NFRKB: variants seen among roughly 807,000 people sequenced by gnomAD.
NFRKB encodes the protein nuclear factor related to kappaB binding protein.
NFRKB carries 62 observed loss-of-function variants against 135.7 expected under a neutral mutation model. That is an observed-to-expected ratio of 0.46 (90% CI 0.37 to 0.56). The LOEUF is 0.56. Ranked by LOEUF, NFRKB falls within the 20% of genes least tolerant of loss-of-function variation. The pLI is 0.00. For missense variants in NFRKB, 1,545 were observed against 1,662.0 expected, an observed-to-expected ratio of 0.93 and a Z score of 1.22; for synonymous variants, 678 against 635.6, an observed-to-expected ratio of 1.07 and a Z score of -1.00.
Position 129,869,707 on chromosome 11 carries a change from G to A in NFRKB, c.3318C>T (p.Thr1106=), listed in dbSNP as rs371098164. The A allele has an allele frequency of 3.6e-5, 58 of 1,614,126 alleles. No individual in the cohort carries two copies. Among genetic ancestry groups the A allele is most frequent in the African/African-American group, 9.3e-5 (7 of 74,934 alleles). ...CCCCTTGCTTGGCGTGGGTTGCAACGGTGATGGTCTGGCCTGCTTTGGGAG... is the reference window on the plus strand; with the variant it reads ...CCCCTTGCTTGGCGTGGGTTGCAACAGTGATGGTCTGGCCTGCTTTGGGAG... ...VMPPKAGQTI[T]VATHAKQGAS... is the part of the protein sequence containing the mutation. The change falls in exon 24 of 27, where the codon ACC becomes ACT. Residue 1106 remains threonine, a synonymous_variant. Transcript: ENST00000682444.
intron 24 of NFRKB, among the ~76,000 whole-genome samples, chr11:129,867,322 CT>C (rs894926200): frequency 0.011 from 1,477 of 129,518 alleles, 10 homozygotes; most frequent in African/African-American, 0.034. Flanking sequence ...CTAAGTAACT[CT>C]TTTTTTTTTT....
intron 13 of NFRKB, among the ~76,000 whole-genome samples, chr11:129,880,273 C>G (rs539957681): frequency 6.6e-6 from 1 of 152,300 alleles, no homozygotes; most frequent in East Asian, 1.9e-4. Flanking sequence ...CAGCTGCTAC[C>G]TGCACAAACA....
intron 2 of NFRKB, chr11:129,893,986 T>C (rs1482770835): frequency 6.6e-6 from 1 of 152,246 alleles, no homozygotes; most frequent in Non-Finnish European, 1.5e-5. Flanking sequence ...ACCAGTAAAG[T>C]CAATGGCCAA....
intron 8 of NFRKB, among the ~76,000 whole-genome samples, chr11:129,883,496 T>C (rs1007094412): frequency 6.6e-6 from 1 of 152,208 alleles, no homozygotes; most frequent in African/African-American, 2.4e-5. Context: ...TTGTTAAGTA[T>C]TACTATGTTT....
chr11:129,884,211 A>G, intron 7 of NFRKB, 68 bp from the exon 8 acceptor site: 2 of 1,406,848 alleles, frequency 1.4e-6, no homozygotes, highest in Non-Finnish European at 1.0e-6. Flanking sequence ...GGTCACTTTC[A>G]AAAGTAAGAT....
In NFRKB at chr11:129,884,860, T is replaced by C. The variant is rs778423791; in HGVS notation, c.641-14A>G. On this transcript the variant is annotated splice_polypyrimidine_tract_variant and intron_variant, in intron 6 of 26. Coordinates refer to ENST00000682444, the MANE Select transcript of NFRKB (RefSeq NM_001143835.2). ...ATGAGCTGAGATCTTCAAAAGAAAATTGTTCTTGTAAATCCAACGTGGCTG... is the reference window on the plus strand; with the variant it reads ...ATGAGCTGAGATCTTCAAAAGAAAACTGTTCTTGTAAATCCAACGTGGCTG... 3.7e-6 allele frequency: 6 copies of C among 1,613,964 alleles called. No homozygotes were observed. Among genetic ancestry groups the C allele is most frequent in the African/African-American group, 1.3e-5 (1 of 74,920 alleles).
chr11:129,883,054 A>G lies in NFRKB; in HGVS notation c.901+68T>C. The G allele has an allele frequency of 2.8e-6, 4 of 1,426,268 alleles. No homozygotes were observed. The South Asian group carries it at 3.6e-5, about 13-fold the overall frequency. 88.4% of individuals were successfully genotyped at this position (1,426,268 alleles called of 1,614,324 possible). A position where few individuals can be genotyped will look rare whatever the true frequency, so the allele number is the denominator to read the frequency against. ...GGCCATGGTTTCATTTATTTTTGCCATGTTATGGGCTCACGCAACTTAACA... is the reference window on the plus strand; with the variant it reads ...GGCCATGGTTTCATTTATTTTTGCCGTGTTATGGGCTCACGCAACTTAACA... On this transcript the variant is annotated intron_variant, in intron 9 of 26. Transcript: ENST00000682444.
chr11:129,884,175 C>G, intron 7 of NFRKB, 32 bp from the exon 8 acceptor site: 1 of 1,594,572 alleles, frequency 6.3e-7, no homozygotes, highest in South Asian at 1.1e-5. Flanking sequence ...TATTCACTAT[C>G]ATGATTCTCC....
At position 129,873,706 on chromosome 11, in the gene NFRKB, G is replaced by C. The variant is rs369221331; in HGVS notation, c.2550+39C>G. On this transcript the variant is annotated intron_variant, in intron 22 of 26. Transcript: ENST00000682444. ...GACTCATCAGCCCACCTCTGGGTCTGCATCTCTGCTTCCCAATGACCACGG... is the reference window on the plus strand; with the variant it reads ...GACTCATCAGCCCACCTCTGGGTCTCCATCTCTGCTTCCCAATGACCACGG... 7 of 1,599,290 alleles carry C rather than the reference G, an allele frequency of 4.4e-6. No individual in the cohort carries two copies. The African/African-American group carries it at 9.4e-5, about 21-fold the overall frequency.
In NFRKB at chr11:129,864,664, G is replaced by T. The variant is rs575669601; in HGVS notation, c.*61C>A. 15 of 1,609,094 alleles carry T rather than the reference G, an allele frequency of 9.3e-6. No homozygotes were observed. Among genetic ancestry groups the T allele is most frequent in the Non-Finnish European group, 1.7e-6 (2 of 1,177,404 alleles). On this transcript the variant is annotated 3_prime_UTR_variant, in exon 27 of 27. Transcript: ENST00000682444. ...TTAAAACAATGATGCAACCTCCCTG[G>T]TCCCTTCTCAGCCAGGACAGACCAG... is the stretch of plus-strand genomic sequence containing the variant.
intron 24 of NFRKB, among the ~76,000 whole-genome samples, chr11:129,868,166 T>TG (rs1321120828): frequency 2.6e-5 from 4 of 152,184 alleles, no homozygotes; most frequent in African/African-American, 9.7e-5. Context: ...GGTTAAAAGA[T>TG]GACAGACTGG....
intron 3 of NFRKB, 128 bp downstream of exon 3, chr11:129,892,587 T>C: frequency 2.2e-6 from 2 of 912,296 alleles, no homozygotes; most frequent in Non-Finnish European, 3.3e-6. Flanking sequence ...GAGATCAGGC[T>C]GCCTGCAATG....
intron 3 of NFRKB, among the ~76,000 whole-genome samples, chr11:129,890,275 C>G (rs1048887384): frequency 6.6e-6 from 1 of 152,138 alleles, no homozygotes; most frequent in African/African-American, 2.4e-5. Flanking sequence ...TCCCAATGCC[C>G]AGGATCTTCC....
Position 129,875,423 on chromosome 11 carries a change from T to C in NFRKB, c.1788A>G (p.Thr596=), listed in dbSNP as rs978953767. ...AAARLPNGEG[T]RAEICELLKD... ...TAAGCAGTTCACAGATCTCTGCCCG[T>C]GTGCCTTCTCCATTAGGCAGTCGAG... The change falls in exon 18 of 27, where the codon ACA becomes ACG. Residue 596 remains threonine, a synonymous_variant. Transcript: ENST00000682444. The C allele has an allele frequency of 4.3e-6, 7 of 1,612,386 alleles. No individual in the cohort carries two copies. The highest frequency in any genetic ancestry group is 5.1e-6 in the Non-Finnish European group (6 of 1,179,578).
chr11:129,879,470 C>T (rs1301967102), intron 13 of NFRKB, among the ~76,000 whole-genome samples: 3 of 152,168 alleles, frequency 2.0e-5, no homozygotes, highest in South Asian at 2.1e-4. Context: ...TCGCCTCCAC[C>T]GTTCCACTAG....
intron 7 of NFRKB, among the ~76,000 whole-genome samples, chr11:129,884,483 C>T (rs1427019087): frequency 1.3e-5 from 2 of 152,250 alleles, no homozygotes; most frequent in Non-Finnish European, 2.9e-5. Flanking sequence ...CTTCGTACTA[C>T]TGTTTCAAGA....
chr11:129,874,328 G>T lies in NFRKB; in HGVS notation c.2064C>A (p.Ser688=), dbSNP rs763950611. 1 of 1,517,966 alleles carries T rather than the reference G, an allele frequency of 6.6e-7. No homozygotes were observed. Among genetic ancestry groups the T allele is most frequent in the South Asian group, 1.3e-5 (1 of 74,126 alleles). The allele number at this position is 1,517,966 out of a possible 1,614,324, so 94.0% of individuals were successfully genotyped here. The change falls in exon 21 of 27, where the codon TCC becomes TCA. Residue 688 remains serine (S), a synonymous_variant. Coordinates refer to ENST00000682444, the MANE Select transcript of NFRKB (RefSeq NM_001143835.2). This position sits in a 1 kb window ranked among gnomAD's most constrained non-coding sequence, Gnocchi z 4.5. ...CCTTTATGGAGCTCTCCTTGCTACT[G>T]GACTTCTAGAACGGAAGACAAAGAA... is the stretch of plus-strand genomic sequence containing the variant. ...QKPKPPSKVK[S]SSKESSIKVL... is the part of the protein sequence containing the mutation.
intron 3 of NFRKB, 100 bp from the exon 4 acceptor site, chr11:129,888,895 A>G: frequency 1.2e-6 from 1 of 864,602 alleles, no homozygotes; most frequent in South Asian, 1.8e-5. Context: ...AAGATTTACC[A>G]ATTTAACCAT....
Position 129,885,562 on chromosome 11 carries a change from C to A in NFRKB, c.513G>T (p.Arg171=), listed in dbSNP as rs1237352475. The change falls in exon 6 of 27, where the codon CGG becomes CGT. Residue 171 remains arginine (R), a synonymous_variant. Transcript: ENST00000682444. Reference sequence around the variant, plus strand: ...TGCGGGATGGTGAAGGGCGTTTCTGCCGGAAGGGAAGGGCGGGGCCACTCC... The same window carrying A: ...TGCGGGATGGTGAAGGGCGTTTCTGACGGAAGGGAAGGGCGGGGCCACTCC... ...ARRSGPALPF[R]QKRPSPSRTP... is the part of the protein sequence containing the mutation. 6.2e-7 allele frequency: 1 copy of A among 1,613,806 alleles called. No individual in the cohort carries two copies. Among genetic ancestry groups the A allele is most frequent in the Non-Finnish European group, 8.5e-7 (1 of 1,179,736 alleles).
Sources: gnomAD v4.1 joint callset for allele counts (sites outside exome capture counted in the v4.1 genomes callset) on GRCh38, gnomAD v4.1.1 for gene constraint, Gnocchi (gnomAD v3.1) non-coding constraint, MANE v1.5 for transcripts, NCBI Gene and HGNC (gene_info 2026-07-23, HGNC 2026-07-21) for gene names.